The following PKIA variants were observed in gnomAD, a reference collection of about 807,000 sequenced individuals.
The protein encoded by PKIA is cAMP-dependent protein kinase inhibitor alpha.
A neutral mutation model predicts 7.6 loss-of-function variants in PKIA; 4 were observed. The observed-to-expected ratio is 0.52, with a 90% CI of 0.26 to 1.20. The LOEUF (loss-of-function observed/expected upper bound fraction) is 1.20, where lower values mean the gene tolerates loss of function less well. Among genes scored for constraint, PKIA ranks in the 50% most tolerant of loss-of-function variants. The pLI, the probability that PKIA is intolerant of heterozygous loss-of-function variation, is 0.13. For missense variants in PKIA, 73 were observed against 86.2 expected, an observed-to-expected ratio of 0.85 and a Z score of 0.61; for synonymous variants, 21 against 30.7, an observed-to-expected ratio of 0.68 and a Z score of 1.04.
chr8:78,518,197 A>AG (rs755343041), intron 1 of PKIA, among the ~76,000 whole-genome samples: 2 of 152,178 alleles, frequency 1.3e-5, no homozygotes, highest in African/African-American at 2.4e-5. Context: ...GTGAGGGTGT[A>AG]GGGGGTGGGC....
intron 1 of PKIA, among the ~76,000 whole-genome samples, chr8:78,570,241 T>C (rs973989993): frequency 6.6e-6 from 1 of 152,072 alleles, no homozygotes; most frequent in African/African-American, 2.4e-5. Context: ...CACATCATAA[T>C]TGAACTTCTG....
At chr8:78,597,045 G>C (rs2130277073) in intron 2 of PKIA, among the ~76,000 whole-genome samples, 1 of 152,226 alleles carries the variant, frequency 6.6e-6, no homozygotes, top group East Asian at 1.9e-4. Flanking sequence ...CTCTGTATCT[G>C]TTTTTATACC....
intron 1 of PKIA, chr8:78,533,865 A>C (rs1806452011): frequency 6.6e-6 from 1 of 152,132 alleles, no homozygotes; most frequent in African/African-American, 2.4e-5. Context: ...CAAACAAACA[A>C]AAAGACACAA....
intron 1 of PKIA, among the ~76,000 whole-genome samples, chr8:78,524,173 CATTTAT>C (rs1490891481): frequency 7.9e-6 from 1 of 126,590 alleles, no homozygotes; most frequent in African/African-American, 3.1e-5. Context: ...TATGTATAAA[CATTTAT>C]ATTTATATAT....
intron 1 of PKIA, among the ~76,000 whole-genome samples, chr8:78,536,885 C>G (rs1806539451): frequency 1.3e-5 from 2 of 151,238 alleles, no homozygotes; most frequent in Non-Finnish European, 3.0e-5. Flanking sequence ...CACACACACA[C>G]ACACACACAC....
At chr8:78,550,727 G>A (rs1250489658) in intron 1 of PKIA, among the ~76,000 whole-genome samples, 1 of 151,892 alleles carries the variant, frequency 6.6e-6, no homozygotes. Flanking sequence ...ATATTCTTTA[G>A]TGGTGATTTG....
At chr8:78,522,222 A>T (rs1227622069) in intron 1 of PKIA, among the ~76,000 whole-genome samples, 2 of 152,086 alleles carry the variant, frequency 1.3e-5, no homozygotes, top group East Asian at 3.9e-4. Context: ...AATATACACT[A>T]TGAAGGTGCC....
intron 1 of PKIA, among the ~76,000 whole-genome samples, chr8:78,524,646 T>C (rs1213769099): frequency 6.6e-6 from 1 of 151,904 alleles, no homozygotes; most frequent in Admixed American, 6.6e-5. Flanking sequence ...CCTGTAGAAA[T>C]CTAAATTACA....
At chr8:78,526,754 C>A (rs1806247410) in intron 1 of PKIA, among the ~76,000 whole-genome samples, 1 of 150,140 alleles carries the variant, frequency 6.7e-6, no homozygotes, top group South Asian at 2.1e-4. Context: ...TGATGAATAG[C>A]AAAACTGTTA....
At chr8:78,558,484 T>C (rs556524742) in intron 1 of PKIA, 13 of 158,006 alleles carry the variant, frequency 8.2e-5, no homozygotes, top group East Asian at 5.5e-4. Flanking sequence ...ACTCCTTTCA[T>C]GGCAGCGGCA....
intron 2 of PKIA, among the ~76,000 whole-genome samples, chr8:78,582,650 C>T (rs1320961303): frequency 6.6e-6 from 1 of 152,008 alleles, no homozygotes; most frequent in Non-Finnish European, 1.5e-5. Context: ...CTCTGTATTA[C>T]AATAAAATCA....
At chr8:78,598,150 T>C (rs1808271271) in intron 2 of PKIA, among the ~76,000 whole-genome samples, 1 of 149,170 alleles carries the variant, frequency 6.7e-6, no homozygotes, top group Non-Finnish European at 1.5e-5. Context: ...AAATATTACA[T>C]TTAAATATGT....
intron 1 of PKIA, among the ~76,000 whole-genome samples, chr8:78,568,959 T>C (rs765148432): frequency 2.0e-5 from 3 of 152,078 alleles, no homozygotes; most frequent in Non-Finnish European, 2.9e-5. Context: ...TGTTGCAGTG[T>C]GGTTCAATGG....
At chr8:78,528,513 C>G (rs531317830) in intron 1 of PKIA, among the ~76,000 whole-genome samples, 19 of 152,054 alleles carry the variant, frequency 1.2e-4, no homozygotes, top group African/African-American at 4.6e-4. Context: ...TGGAATACAT[C>G]TCTCTTAATG....
intron 1 of PKIA, among the ~76,000 whole-genome samples, chr8:78,563,778 A>AGATATT (rs1807339506): frequency 6.6e-6 from 1 of 152,186 alleles, no homozygotes; most frequent in Non-Finnish European, 1.5e-5. Flanking sequence ...GATGTGAATG[A>AGATATT]GACAAAGAAG....
intron 1 of PKIA, among the ~76,000 whole-genome samples, chr8:78,536,901 C>G (rs1345793943): frequency 7.2e-6 from 1 of 139,156 alleles, no homozygotes; most frequent in Non-Finnish European, 1.6e-5. Flanking sequence ...CACACACACA[C>G]ACACACACTA....
chr8:78,555,623 G>C (rs181528450), intron 1 of PKIA, among the ~76,000 whole-genome samples: 2 of 152,112 alleles, frequency 1.3e-5, no homozygotes, highest in Admixed American at 1.3e-4. Context: ...ATTGATCCCT[G>C]TTTTCTGATC....
At chr8:78,590,339 G>A (rs540983627) in intron 2 of PKIA, among the ~76,000 whole-genome samples, 76 of 150,656 alleles carry the variant, frequency 5.0e-4, no homozygotes, top group African/African-American at 1.7e-3. Flanking sequence ...ATTTCAAACT[G>A]CAAGAAAGAC....
chr8:78,542,679 A>AT (rs533743029), intron 1 of PKIA, among the ~76,000 whole-genome samples: 4 of 151,904 alleles, frequency 2.6e-5, no homozygotes, highest in Non-Finnish European at 5.9e-5. Flanking sequence ...AATAGTGACA[A>AT]TTTTTTTTAA....
Sources: allele counts gnomAD v4.1 joint callset (sites outside exome capture counted in the v4.1 genomes callset), GRCh38; gene constraint gnomAD v4.1.1; transcripts MANE v1.5; gene names NCBI Gene and HGNC (gene_info 2026-07-23, HGNC 2026-07-21).